Variants in BACE2 observed in about 807,000 individuals in gnomAD.
BACE2 encodes the protein beta-secretase 2.
BACE2 carries 17 observed loss-of-function variants against 46.2 expected under a neutral mutation model. The observed-to-expected ratio is 0.37, with a 90% CI of 0.25 to 0.55. The LOEUF (loss-of-function observed/expected upper bound fraction) is 0.55. Ranked by LOEUF, BACE2 falls within the 20% of genes least tolerant of loss-of-function variation. The probability of loss-of-function intolerance (pLI) is 0.82; values close to 1 mark genes in which losing one functional copy is unlikely to be tolerated. For missense variants in BACE2, 595 were observed against 698.1 expected (o/e 0.85, Z 1.66); for synonymous variants, 277 against 295.9 (o/e 0.94, Z 0.66).
In BACE2 at chr21:41,258,364, C is replaced by T. The variant is rs538492639; in HGVS notation, c.1303+1038C>T. 2.8e-4 allele frequency among the ~76,000 whole-genome samples: 42 copies of T among 152,292 alleles called. 1 individual carries two copies. The highest frequency in any genetic ancestry group is 7.7e-4 in the African/African-American group (32 of 41,570). On this transcript the variant is annotated intron_variant, in intron 8 of 8. Transcript: ENST00000330333. ...TTGTAGGAATTTGATGGATATGAGA[C>T]GCTGTTGGAGGACAGGTGAGATTGC...
chr21:41,218,653 A>G (rs1167908015), intron 1 of BACE2, among the ~76,000 whole-genome samples: 2 of 152,262 alleles, frequency 1.3e-5, no homozygotes, highest in East Asian at 3.8e-4. Context: ...TCCTGGTGAC[A>G]TAGGTACATT....
chr21:41,255,158 T>C (rs1363548188), intron 7 of BACE2, among the ~76,000 whole-genome samples: 1 of 152,120 alleles, frequency 6.6e-6, no homozygotes, highest in East Asian at 1.9e-4. Context: ...AGGTCTGATT[T>C]GGGGGGAACA....
intron 1 of BACE2, chr21:41,176,429 G>C (rs1984842722): frequency 6.6e-6 from 1 of 152,248 alleles, no homozygotes. Context: ...GGGTGAGCCT[G>C]TCTGCACTAG....
chr21:41,181,113 AC>A lies in BACE2; in HGVS notation c.312+12542del, dbSNP rs1345456779. 6 of 167,024 alleles carry A rather than the reference AC, an allele frequency of 3.6e-5. No homozygotes were observed. The East Asian group carries it at 1.2e-3, about 32-fold the overall frequency. 10.3% of individuals were successfully genotyped at this position (167,024 alleles called of 1,614,324 possible). ...TGGGTCCTAGGCGTTATAGATTGTG[AC>A]CCCTGGAGGGGTAAGAGTGGCCAAC... is the stretch of plus-strand genomic sequence containing the variant. On this transcript the variant is annotated intron_variant, in intron 1 of 8. Transcript: ENST00000330333.
intron 8 of BACE2, among the ~76,000 whole-genome samples, chr21:41,262,964 G>C (rs2253532): frequency 0.28 from 41,507 of 150,578 alleles, 7,081 homozygotes; most frequent in East Asian, 0.62. Context: ...ACTTGTAGTT[G>C]TTATATCTTT....
At chr21:41,199,751 C>T (rs550194144) in intron 1 of BACE2, among the ~76,000 whole-genome samples, 1 of 152,304 alleles carries the variant, frequency 6.6e-6, no homozygotes, top group South Asian at 2.1e-4. Flanking sequence ...CCAGCCCCAG[C>T]TCTCACTGGC....
intron 1 of BACE2, among the ~76,000 whole-genome samples, chr21:41,221,180 T>C (rs1031472880): frequency 3.9e-5 from 6 of 152,198 alleles, no homozygotes; most frequent in Non-Finnish European, 5.9e-5. Flanking sequence ...CGGGAGGGAA[T>C]TCTCTGAAGT....
chr21:41,259,073 A>G (rs557018461), intron 8 of BACE2, among the ~76,000 whole-genome samples: 1 of 152,244 alleles, frequency 6.6e-6, no homozygotes, highest in Non-Finnish European at 1.5e-5. Flanking sequence ...TACTATGGCA[A>G]CAGCTGTTAG....
At chr21:41,241,767 T>C (rs930630782) in intron 3 of BACE2, 52 bp from the exon 4 acceptor site, 1 of 1,608,864 alleles carries the variant, frequency 6.2e-7, no homozygotes, top group African/African-American at 1.3e-5. Context: ...GGGTGACCCA[T>C]GTCTACACTG....
intron 1 of BACE2, among the ~76,000 whole-genome samples, chr21:41,198,096 AT>A (rs1985803423): frequency 6.6e-6 from 1 of 152,024 alleles, no homozygotes; most frequent in South Asian, 2.1e-4. Flanking sequence ...GGTTCAAGCA[AT>A]TCTCGTGCCT....
chr21:41,213,730 C>T lies in BACE2; in HGVS notation c.313-12536C>T, dbSNP rs544736242. On this transcript the variant is annotated intron_variant, in intron 1 of 8. Transcript: ENST00000330333. Reference sequence around the variant, plus strand: ...TAGAGGTTGCAGTGAGCCAAGATCGCGCCACTGCATGCCAGCCTGGGTGAC... The same window carrying T: ...TAGAGGTTGCAGTGAGCCAAGATCGTGCCACTGCATGCCAGCCTGGGTGAC... Among the ~76,000 whole-genome samples the T allele has an allele frequency of 3.3e-5, 5 of 151,786 alleles. No homozygotes were observed. In the East Asian group the frequency reaches 5.8e-4, roughly 18 times the overall value.
At chr21:41,192,475 C>T (rs1428914056) in intron 1 of BACE2, among the ~76,000 whole-genome samples, 13 of 152,148 alleles carry the variant, frequency 8.5e-5, no homozygotes, top group Admixed American at 8.5e-4. Context: ...TAGTTCAGGT[C>T]GCATGGTGAC....
At chr21:41,223,322 C>T (rs1986712763) in intron 1 of BACE2, among the ~76,000 whole-genome samples, 1 of 151,542 alleles carries the variant, frequency 6.6e-6, no homozygotes, top group Admixed American at 6.6e-5. Context: ...TGCTGCTGTA[C>T]TCCAGCCTGG....
chr21:41,258,583 T>TAA (rs1349568391), intron 8 of BACE2, among the ~76,000 whole-genome samples: 1 of 152,224 alleles, frequency 6.6e-6, no homozygotes, highest in East Asian at 1.9e-4. Flanking sequence ...ATAAAGCAGA[T>TAA]AAAGGATGCT....
intron 1 of BACE2, chr21:41,179,898 C>T (rs1477112594): frequency 2.1e-5 from 8 of 377,306 alleles, no homozygotes; most frequent in Middle Eastern, 1.0e-3. Context: ...GCAGGACAGG[C>T]GAGCCCTAAG....
rs1205680363 is a variant in BACE2 at position 41,282,212 on chromosome 21, T to G, written c.*6588T>G. The G allele has an allele frequency of 6.6e-6, 1 of 152,236 alleles. No individual in the cohort carries two copies. The highest frequency in any genetic ancestry group is 1.5e-5 in the Non-Finnish European group (1 of 68,036). 9.4% of individuals were successfully genotyped at this position (152,236 alleles called of 1,614,324 possible). On this transcript the variant is annotated 3_prime_UTR_variant, in exon 9 of 9. Transcript: ENST00000330333. ...TCAGATTAACATCCTTTAATACAAG[T>G]TTCTTAAGTGTAACTTGTATTTCTG... is the stretch of plus-strand genomic sequence containing the variant.
chr21:41,264,291 A>C (rs911888734), intron 8 of BACE2, among the ~76,000 whole-genome samples: 4 of 151,820 alleles, frequency 2.6e-5, no homozygotes, highest in African/African-American at 7.3e-5. Context: ...TACTTTTCCA[A>C]ATATACCATA....
chr21:41,199,242 C>G (rs1276053270), intron 1 of BACE2, among the ~76,000 whole-genome samples: 3 of 152,064 alleles, frequency 2.0e-5, no homozygotes, highest in African/African-American at 7.2e-5. Flanking sequence ...CCCCTTTCCT[C>G]CTTGTGGTGC....
chr21:41,254,345 TC>T (rs1255720729), intron 7 of BACE2, among the ~76,000 whole-genome samples: 1 of 152,028 alleles, frequency 6.6e-6, no homozygotes, highest in Non-Finnish European at 1.5e-5. Context: ...TCCCTGCTGG[TC>T]TCCTCTCAGT....
Sources: gnomAD v4.1 joint callset for allele counts (sites outside exome capture counted in the v4.1 genomes callset) on GRCh38, gnomAD v4.1.1 for gene constraint, MANE v1.5 for transcripts, NCBI Gene and HGNC (gene_info 2026-07-23, HGNC 2026-07-21) for gene names.